SLC17A7: variants seen among roughly 807,000 people sequenced by gnomAD.
SLC17A7 encodes the protein vesicular glutamate transporter 1.
Under a neutral mutation model 59.1 loss-of-function variants are expected in SLC17A7, and 15 were observed. The ratio of observed to expected loss-of-function variants is 0.25; its 90% CI spans 0.17 to 0.39. SLC17A7 has a LOEUF of 0.39. Ranked by LOEUF, SLC17A7 falls within the 10% of genes least tolerant of loss-of-function variation. SLC17A7 has a pLI of 1.00. For missense variants in SLC17A7, 499 were observed against 765.1 expected, an observed-to-expected ratio of 0.65 and a Z score of 4.10; for synonymous variants, 353 against 308.9, an observed-to-expected ratio of 1.14 and a Z score of -1.50.
intron 3 of SLC17A7, 104 bp from the exon 4 acceptor site, chr19:49,434,986 A>C: frequency 8.8e-7 from 1 of 1,142,818 alleles, no homozygotes; most frequent in Non-Finnish European, 1.3e-6. Flanking sequence ...CCGGGACCCC[A>C]GGTCCCACCA....
intron 3 of SLC17A7, 80 bp from the exon 4 acceptor site, chr19:49,434,962 AGGCCCAGT>A: frequency 7.1e-7 from 1 of 1,407,686 alleles, no homozygotes; most frequent in East Asian, 2.3e-5. Context: ...ACAGCAAGCT[AGGCCCAGT>A]GGTCCCCGGG....
chr19:49,439,666 G>T (rs1418358154), intron 1 of SLC17A7, among the ~76,000 whole-genome samples: 2 of 152,182 alleles, frequency 1.3e-5, no homozygotes, highest in African/African-American at 4.8e-5. Context: ...CTAATATGGG[G>T]TATTCCCCTC....
chr19:49,433,033 A>G lies in SLC17A7; in HGVS notation c.868-73T>C. The G allele has an allele frequency of 6.9e-7, 1 of 1,457,462 alleles. No homozygotes were observed. Among genetic ancestry groups the G allele is most frequent in the Non-Finnish European group, 9.4e-7 (1 of 1,064,392 alleles). 90.3% of individuals were successfully genotyped at this position (1,457,462 alleles called of 1,614,324 possible). A position where few individuals can be genotyped will look rare whatever the true frequency, so the allele number is the denominator to read the frequency against. On this transcript the variant is annotated intron_variant, in intron 7 of 11. Transcript: ENST00000221485. This position sits in a 1 kb window ranked among gnomAD's most constrained non-coding sequence, Gnocchi z 5.7. ...GCTTCTCCGCGTCCCTTCAGGGACC[A>G]CAGTGTAGTTCTGCAGAAACCAAAG...
intron 5 of SLC17A7, 69 bp from the exon 6 acceptor site, chr19:49,434,115 C>A (rs971665540): frequency 6.0e-6 from 6 of 1,007,962 alleles, no homozygotes; most frequent in African/African-American, 1.6e-5. Context: ...GGACCCCCAC[C>A]GCTTCCCCCT....
chr19:49,432,701 G>C, intron 8 of SLC17A7, 50 bp from the exon 9 acceptor site: 1 of 1,604,796 alleles, frequency 6.2e-7, no homozygotes, highest in Non-Finnish European at 8.5e-7. Flanking sequence ...CGCCGGCTCG[G>C]CGTCTCTGCC....
chr19:49,435,244 G>A lies in SLC17A7; in HGVS notation c.358C>T (p.His120Tyr). Residue 120 changes from histidine to tyrosine, a missense_variant, in exon 3 of 12, where the codon CAC (histidine) becomes TAC (tyrosine). His to Tyr is a moderately conservative substitution (Grantham distance 83). Coordinates refer to ENST00000221485, the MANE Select transcript of SLC17A7 (RefSeq NM_020309.4). ...SWDPETVGLI[H>Y]GSFFWGYIVT... ...ATGTAGCCCCAGAAAAAGGAGCCGT[G>A]TATGAGGCCGACAGTCTCTGGATCC... The A allele has an allele frequency of 6.2e-7, 1 of 1,614,176 alleles. No homozygotes were observed. Among genetic ancestry groups the A allele is most frequent in the Non-Finnish European group, 8.5e-7 (1 of 1,180,028 alleles).
At chr19:49,440,906 A>T (rs1453493812) in intron 1 of SLC17A7, among the ~76,000 whole-genome samples, 1 of 152,110 alleles carries the variant, frequency 6.6e-6, no homozygotes, top group African/African-American at 2.4e-5. Context: ...AGAGACGCAA[A>T]GAAGCGGAGG....
At chr19:49,435,523 G>A (rs561482179) in intron 2 of SLC17A7, 22 of 418,842 alleles carry the variant, frequency 5.3e-5, no homozygotes, top group Non-Finnish European at 9.5e-5. Context: ...CCACCTAGAC[G>A]CCTTGCTTTG....
chr19:49,430,318 T>C lies in SLC17A7; in HGVS notation c.*201A>G, dbSNP rs948297765. The C allele has an allele frequency of 1.6e-5, 8 of 510,034 alleles. No homozygotes were observed. The highest frequency in any genetic ancestry group is 2.4e-5 in the Non-Finnish European group (7 of 290,446). The allele number at this position is 510,034 out of a possible 1,614,324, so 31.6% of individuals were successfully genotyped here. ...ACCTTTAGGGGAATTTGGGTATCCT[T>C]GAAACTGTCAGTCTGCAGCTTCACT... is the stretch of plus-strand genomic sequence containing the variant. On this transcript the variant is annotated 3_prime_UTR_variant, in exon 12 of 12. Transcript: ENST00000221485.
In SLC17A7 at chr19:49,431,513, C is replaced by T. The variant is rs1441973787; in HGVS notation, c.1151-65G>A. 7 of 1,379,644 alleles carry T rather than the reference C, an allele frequency of 5.1e-6. No individual in the cohort carries two copies. The highest frequency in any genetic ancestry group is 7.1e-6 in the Non-Finnish European group (7 of 982,018). The allele number at this position is 1,379,644 out of a possible 1,614,324, so 85.5% of individuals were successfully genotyped here. On this transcript the variant is annotated intron_variant, in intron 9 of 11. Transcript: ENST00000221485. The surrounding 1 kb of genome is among the most constrained non-coding windows in gnomAD (Gnocchi z 4.6). ...CCGGAGCAAGGCGCAGGCTGCCCCACACCGCCCTTCCAGACCTGCTCCAGC... is the reference window on the plus strand; with the variant it reads ...CCGGAGCAAGGCGCAGGCTGCCCCATACCGCCCTTCCAGACCTGCTCCAGC...
At position 49,432,481 on chromosome 19, in the gene SLC17A7, G is replaced by A. The variant is rs1387090985; in HGVS notation, c.1150+38C>T. On this transcript the variant is annotated intron_variant, in intron 9 of 11. Transcript: ENST00000221485. ...TCTCAATCCGGCTCTGCTCCACCCA[G>A]GCTGTCCTAGAGCCGGCCCAGGCCC... The A allele has an allele frequency of 3.8e-6, 6 of 1,598,672 alleles. No individual in the cohort carries two copies. The East Asian group carries it at 6.8e-5, about 18-fold the overall frequency.
rs779533789 is a variant in SLC17A7, at chr19:49,436,741, C to G, written c.123G>C (p.Pro41=). The G allele has an allele frequency of 2.5e-6, 4 of 1,609,960 alleles. No homozygotes were observed. The highest frequency in any genetic ancestry group is 1.7e-5 in the Admixed American group (1 of 59,984). ...ETLELSADGR[P]VTTQTRDPPV... is the part of the protein sequence containing the mutation. ...GCGGGTCCCGGGTCTGCGTGGTCAC[C>G]GGGCGCCCATCCGCACTCAGCTCCA... The change falls in exon 2 of 12, where the codon CCG becomes CCC. Residue 41 remains proline, a synonymous_variant. Transcript: ENST00000221485. The surrounding 1 kb of genome is among the most constrained non-coding windows in gnomAD (Gnocchi z 4.1).
Position 49,435,298 on chromosome 19 carries a change from A to C in SLC17A7, c.316-12T>G. 1 of 1,593,608 alleles carries C rather than the reference A, an allele frequency of 6.3e-7. No homozygotes were observed. Among genetic ancestry groups the C allele is most frequent in the Non-Finnish European group, 8.6e-7 (1 of 1,161,810 alleles). On this transcript the variant is annotated splice_polypyrimidine_tract_variant and intron_variant, in intron 2 of 11. Coordinates refer to ENST00000221485, the MANE Select transcript of SLC17A7 (RefSeq NM_020309.4). Reference sequence around the variant, plus strand: ...CTGAACTGGGCTTTCTGCGGGCCAAAATGTACATTAAATCAGCCGCCCTGT... The same window carrying C: ...CTGAACTGGGCTTTCTGCGGGCCAACATGTACATTAAATCAGCCGCCCTGT...
chr19:49,434,977 C>T (rs1227121168), intron 3 of SLC17A7, 95 bp from the exon 4 acceptor site: 16 of 1,263,422 alleles, frequency 1.3e-5, no homozygotes, highest in South Asian at 7.4e-5. Flanking sequence ...CAGTGGTCCC[C>T]GGGACCCCAG....
chr19:49,433,057 A>T lies in SLC17A7; in HGVS notation c.868-97T>A. 1 of 1,316,676 alleles carries T rather than the reference A, an allele frequency of 7.6e-7. No homozygotes were observed. The highest frequency in any genetic ancestry group is 1.0e-6 in the Non-Finnish European group (1 of 955,058). 81.6% of individuals were successfully genotyped at this position (1,316,676 alleles called of 1,614,324 possible). ...CACAGTGTAGTTCTGCAGAAACCAA[A>T]GGATCCCGACCGCACTGAAACTTCT... On this transcript the variant is annotated intron_variant, in intron 7 of 11. Coordinates refer to ENST00000221485, the MANE Select transcript of SLC17A7 (RefSeq NM_020309.4). This position sits in a 1 kb window ranked among gnomAD's most constrained non-coding sequence, Gnocchi z 5.7.
In SLC17A7 at chr19:49,431,459, G is replaced by A. The variant is rs766865952; in HGVS notation, c.1151-11C>T. On this transcript the variant is annotated splice_polypyrimidine_tract_variant and intron_variant, in intron 9 of 11. Transcript: ENST00000221485. The surrounding 1 kb of genome is among the most constrained non-coding windows in gnomAD (Gnocchi z 4.6). ...CTTCCATGCCGAAGCCTACGGGGGC[G>A]GGGGGGGCCCGCGTCTCCTGAGTGT... 2.5e-6 allele frequency: 4 copies of A among 1,597,748 alleles called. No homozygotes were observed. The highest frequency in any genetic ancestry group is 3.4e-5 in the Admixed American group (2 of 59,310).
rs138689882 is a variant in SLC17A7, at chr19:49,431,109, C to T, written c.1295G>A (p.Arg432His). 6.2e-7 allele frequency: 1 copy of T among 1,613,946 alleles called. No homozygotes were observed. Among genetic ancestry groups the T allele is most frequent in the African/African-American group, 1.3e-5 (1 of 75,040 alleles). The change falls in exon 11 of 12, where the codon CGC becomes CAC. Residue 432 changes from arginine to histidine, a missense_variant. Coordinates refer to ENST00000221485, the MANE Select transcript of SLC17A7 (RefSeq NM_020309.4). This position sits in a 1 kb window ranked among gnomAD's most constrained non-coding sequence, Gnocchi z 4.6. ...FNVNHLDIAP[R>H]YASILMGISN... ...GATGCCCATGAGGATGCTGGCGTAG[C>T]GCGGGGCTATGTCCAGGTGGTTCAC...
Position 49,431,352 on chromosome 19 carries a change from C to T in SLC17A7, c.1247G>A (p.Gly416Asp). The T allele has an allele frequency of 6.2e-7, 1 of 1,614,130 alleles. No individual in the cohort carries two copies. The highest frequency in any genetic ancestry group is 8.5e-7 in the Non-Finnish European group (1 of 1,179,974). ...SFLVLAVGFSGFAISGFNVNH... is the reference protein window; with the variant it reads ...SFLVLAVGFSDFAISGFNVNH... The stretch of plus-strand genomic sequence containing the variant: ...GCGGTTCTCACCAGAGATGGCGAAG[C>T]CGCTGAAGCCCACGGCTAGGACCAG... The change falls in exon 10 of 12, where the codon GGC (glycine) becomes GAC (aspartate). Residue 416 changes from glycine to aspartate, a missense_variant. Around this residue, in one of 3 missense-constraint regions of SLC17A7, gnomAD observed 323 missense variants for 607.2 expected, o/e 0.53. Transcript: ENST00000221485. The surrounding 1 kb of genome is among the most constrained non-coding windows in gnomAD (Gnocchi z 4.6).
At position 49,431,285 on chromosome 19, in the gene SLC17A7, G is replaced by T; in HGVS notation, c.1261+53C>A. On this transcript the variant is annotated intron_variant, in intron 10 of 11. Transcript: ENST00000221485. This position sits in a 1 kb window ranked among gnomAD's most constrained non-coding sequence, Gnocchi z 4.6. ...AGAGGCCCCGTTCCTGAGCCAGGAA[G>T]TTCCCTACAGAGCTGACCAGAGTCC... 1.3e-6 allele frequency: 2 copies of T among 1,595,434 alleles called. No individual in the cohort carries two copies. Among genetic ancestry groups the T allele is most frequent in the South Asian group, 1.1e-5 (1 of 89,994 alleles).
Sources: gnomAD v4.1 joint callset for allele counts (sites outside exome capture counted in the v4.1 genomes callset) on GRCh38, gnomAD v4.1.1 for gene constraint, gnomAD v4.1.1 regional missense constraint, Gnocchi (gnomAD v3.1) non-coding constraint, MANE v1.5 for transcripts, NCBI Gene and HGNC (gene_info 2026-07-23, HGNC 2026-07-21) for gene names.